The following ARHGAP8 variants were observed in gnomAD, a reference collection of about 807,000 sequenced individuals.
The protein encoded by ARHGAP8 is Rho GTPase activating protein 8.
In ARHGAP8, 62 loss-of-function variants were observed where a neutral mutation model predicts 46.1. The ratio of observed to expected loss-of-function variants is 1.34; its 90% confidence interval spans 1.10 to 1.66. The LOEUF (loss-of-function observed/expected upper bound fraction) is 1.66, where lower values mean the gene tolerates loss of function less well. Ranked by LOEUF, ARHGAP8 falls within the 40% of genes most tolerant of loss-of-function variation. ARHGAP8 has a pLI of 0.00. For missense variants in ARHGAP8, 923 were observed against 568.4 expected (o/e 1.62, Z -6.34); for synonymous variants, 375 against 243.1 (o/e 1.54, Z -5.05).
At chr22:44,772,512 C>T (rs940106218) in intron 1 of ARHGAP8, among the ~76,000 whole-genome samples, 2 of 151,614 alleles carry the variant, frequency 1.3e-5, no homozygotes, top group Non-Finnish European at 2.9e-5. Flanking sequence ...TAAAACAACT[C>T]TGCAAAGCTG....
At chr22:44,841,132 C>T (rs2147151496) in intron 7 of ARHGAP8, among the ~76,000 whole-genome samples, 1 of 152,246 alleles carries the variant, frequency 6.6e-6, no homozygotes, top group African/African-American at 2.4e-5. Flanking sequence ...CTGCCGTGGC[C>T]CTCGTAGGGA....
intron 1 of ARHGAP8, among the ~76,000 whole-genome samples, chr22:44,783,777 T>C (rs1436327060): frequency 6.6e-6 from 1 of 152,122 alleles, no homozygotes; most frequent in Non-Finnish European, 1.5e-5. Context: ...CGGCTGTACC[T>C]CCGGAGGCTC....
intron 5 of ARHGAP8, among the ~76,000 whole-genome samples, chr22:44,821,651 C>T (rs745770058): frequency 2.6e-5 from 4 of 152,186 alleles, no homozygotes; most frequent in Non-Finnish European, 5.9e-5. Flanking sequence ...GTCGTCACAG[C>T]GAGCATGTCC....
chr22:44,806,850 G>A (rs533177920), intron 3 of ARHGAP8, among the ~76,000 whole-genome samples: 117 of 151,986 alleles, frequency 7.7e-4, no homozygotes, highest in African/African-American at 2.6e-3. Context: ...TGTAGTCCCA[G>A]CTACTCAGGA....
At chr22:44,795,146 ACT>A (rs934536445) in intron 2 of ARHGAP8, among the ~76,000 whole-genome samples, 2 of 152,154 alleles carry the variant, frequency 1.3e-5, no homozygotes, top group African/African-American at 4.8e-5. Flanking sequence ...ACAACAGCTC[ACT>A]CTCAGAGTTC....
In ARHGAP8 at chr22:44,862,677, A is replaced by C; in HGVS notation, c.*82A>C. 3.4e-6 allele frequency: 5 copies of C among 1,459,484 alleles called. No individual in the cohort carries two copies. Among genetic ancestry groups the C allele is most frequent in the Non-Finnish European group, 4.5e-6 (5 of 1,101,396 alleles). 90.4% of individuals were successfully genotyped at this position (1,459,484 alleles called of 1,614,324 possible). The stretch of plus-strand genomic sequence containing the variant: ...ATGTTTTGTAAACTTGGCATCTGTA[A>C]AAATAACCAGCCATTAGATGAATTC... On this transcript the variant is annotated 3_prime_UTR_variant, in exon 12 of 12. Coordinates refer to ENST00000356099, the MANE Select transcript of ARHGAP8 (RefSeq NM_181335.3).
Position 44,815,883 on chromosome 22 carries a change from G to A in ARHGAP8, c.386+1125G>A, listed in dbSNP as rs576578846. ...GGTGGGGAAGAGACTGACAGATGTC[G>A]TTCTTGCACGGTGGCTCTGGCCCTC... On this transcript the variant is annotated intron_variant, in intron 5 of 11. Transcript: ENST00000356099. Among the ~76,000 whole-genome samples, 188 of 152,298 alleles carry A rather than the reference G, an allele frequency of 1.2e-3. 4 individuals are homozygous for A. The highest frequency in any genetic ancestry group is 4.4e-3 in the African/African-American group (181 of 41,564).
intron 7 of ARHGAP8, among the ~76,000 whole-genome samples, chr22:44,840,018 G>A (rs549322327): frequency 6.6e-6 from 1 of 152,336 alleles, no homozygotes; most frequent in South Asian, 2.1e-4. Context: ...CCTGCCCGCA[G>A]TGTCCCCAGC....
chr22:44,807,915 T>C (rs1929047424), intron 3 of ARHGAP8, among the ~76,000 whole-genome samples: 1 of 152,244 alleles, frequency 6.6e-6, no homozygotes, highest in African/African-American at 2.4e-5. Flanking sequence ...CTTAGAAGGA[T>C]GCATGTGATT....
chr22:44,760,495 G>A (rs988290318), intron 1 of ARHGAP8, among the ~76,000 whole-genome samples: 1 of 152,136 alleles, frequency 6.6e-6, no homozygotes, highest in African/African-American at 2.4e-5. Context: ...CTTCTCCCAA[G>A]AGCCCTTTAT....
intron 10 of ARHGAP8, among the ~76,000 whole-genome samples, chr22:44,852,566 C>T (rs1485051197): frequency 1.3e-5 from 2 of 152,166 alleles, no homozygotes; most frequent in Non-Finnish European, 2.9e-5. Context: ...GGAAGTTTTA[C>T]AGTCCAGAAA....
intron 5 of ARHGAP8, among the ~76,000 whole-genome samples, chr22:44,819,300 CAAGT>C (rs2147111408): frequency 6.6e-6 from 1 of 152,336 alleles, no homozygotes; most frequent in Admixed American, 6.5e-5. Context: ...TTCCTAACCT[CAAGT>C]AATCCTCCAG....
In ARHGAP8 at chr22:44,821,235, T is replaced by G. The variant is rs376585473; in HGVS notation, c.387-1136T>G. Among the ~76,000 whole-genome samples, 277 of 152,094 alleles carry G rather than the reference T, an allele frequency of 1.8e-3. 1 individual carries two copies. In the Middle Eastern group the frequency reaches 0.02, roughly 11 times the overall value. On this transcript the variant is annotated intron_variant, in intron 5 of 11. Transcript: ENST00000356099. ...TCACGAGGTCAGGAGATCGAGACCA[T>G]CCTGGCTAACATGTTGAAACCCCGT...
chr22:44,807,046 C>T (rs1602203893), intron 3 of ARHGAP8, among the ~76,000 whole-genome samples: 1 of 152,134 alleles, frequency 6.6e-6, no homozygotes. Flanking sequence ...ACCAGCCGAG[C>T]CTCTGCAGGT....
At chr22:44,776,317 T>A (rs1312968471) in intron 1 of ARHGAP8, among the ~76,000 whole-genome samples, 1 of 152,110 alleles carries the variant, frequency 6.6e-6, no homozygotes, top group Non-Finnish European at 1.5e-5. Context: ...CCGAGCATGG[T>A]GGCGGGTACC....
At chr22:44,806,377 G>A (rs980094174) in intron 3 of ARHGAP8, among the ~76,000 whole-genome samples, 1 of 152,168 alleles carries the variant, frequency 6.6e-6, no homozygotes, top group East Asian at 1.9e-4. Context: ...TCAGATGTGC[G>A]TGATTTCTCT....
intron 2 of ARHGAP8, among the ~76,000 whole-genome samples, chr22:44,798,817 G>T (rs1197913304): frequency 1.3e-5 from 2 of 152,132 alleles, no homozygotes; most frequent in African/African-American, 2.4e-5. Flanking sequence ...CCAGGCTGGA[G>T]TGCAGTGGTG....
chr22:44,787,943 C>CTTTTTTTTTTT (rs1312732228), intron 2 of ARHGAP8, among the ~76,000 whole-genome samples: 1 of 126,862 alleles, frequency 7.9e-6, no homozygotes, highest in Non-Finnish European at 1.6e-5. Context: ...TTTTTTTTCC[C>CTTTTTTTTTTT]CCCAAATGTC....
chr22:44,857,387 C>G (rs1391250768), intron 10 of ARHGAP8, among the ~76,000 whole-genome samples: 1 of 152,182 alleles, frequency 6.6e-6, no homozygotes, highest in Non-Finnish European at 1.5e-5. Context: ...TCCTTCTCCC[C>G]ATCTTAGGTT....
Sources: allele counts gnomAD v4.1 joint callset (sites outside exome capture counted in the v4.1 genomes callset), GRCh38; gene constraint gnomAD v4.1.1; transcripts MANE v1.5; gene names NCBI Gene and HGNC (gene_info 2026-07-23, HGNC 2026-07-21).